The following EPC2 variants were observed in gnomAD, a reference collection of about 807,000 sequenced individuals.
EPC2 encodes the protein enhancer of polycomb 2.
A neutral mutation model predicts 92.1 loss-of-function variants in EPC2; 14 were observed. The ratio of observed to expected loss-of-function variants is 0.15; its 90% CI spans 0.10 to 0.24. The LOEUF (loss-of-function observed/expected upper bound fraction) is 0.24. Among genes scored for constraint, EPC2 ranks in the 10% least tolerant of loss-of-function variants. EPC2 has a pLI of 1.00. For synonymous variants in EPC2, 340 were observed against 334.7 expected (o/e 1.02, Z -0.17); for missense variants, 755 against 971.5 (o/e 0.78, Z 2.96).
chr2:148,690,431 ATCTTT>A (rs1413720402), intron 2 of EPC2, 58 bp downstream of exon 2: 3 of 1,451,004 alleles, frequency 2.1e-6, no homozygotes, highest in African/African-American at 2.9e-5. Flanking sequence ...ACCAGTGGAA[ATCTTT>A]TCTTTTGTCT....
In EPC2 at chr2:148,770,861, A is replaced by T. The variant is rs771076736; in HGVS notation, c.1300A>T (p.Arg434Trp). 2.5e-6 allele frequency: 4 copies of T among 1,613,898 alleles called. No individual in the cohort carries two copies. In the East Asian group the frequency reaches 8.9e-5, roughly 36 times the overall value. Residue 434 changes from arginine to tryptophan, a missense_variant, in exon 9 of 14, where the codon AGG becomes TGG. Physicochemically the swap from Arg to Trp is moderately radical, Grantham distance 101 (BLOSUM62 -3). This residue lies in a region of EPC2 where 509 missense variants were observed against 607.7 expected (regional missense o/e 0.84). Coordinates refer to ENST00000258484, the MANE Select transcript of EPC2 (RefSeq NM_015630.4). Reference protein sequence around the residue: ...ELADLDKLRYRHCLTTLTVPR... With the variant: ...ELADLDKLRYWHCLTTLTVPR... ...GGCAGATTTGGATAAGTTGAGGTAT[A>T]GGCATTGCCTTACAACACTTACAGT...
At chr2:148,760,547 A>G (rs1683283997) in intron 4 of EPC2, among the ~76,000 whole-genome samples, 1 of 152,186 alleles carries the variant, frequency 6.6e-6, no homozygotes, top group African/African-American at 2.4e-5. Flanking sequence ...TGTCGAAAAT[A>G]TTAATTTTTT....
At position 148,764,964 on chromosome 2, in the gene EPC2, C is replaced by G. The variant is rs1683380171; in HGVS notation, c.958C>G (p.His320Asp). 2 of 1,555,926 alleles carry G rather than the reference C, an allele frequency of 1.3e-6. No homozygotes were observed. The highest frequency in any genetic ancestry group is 1.7e-6 in the Non-Finnish European group (2 of 1,153,380). The change falls in exon 7 of 14, where the codon CAT becomes GAT. Residue 320 changes from histidine (H) to aspartate (D), a missense_variant. Physicochemically the swap from His to Asp is moderately conservative, Grantham distance 81. This residue lies in a region of EPC2 where 509 missense variants were observed against 607.7 expected (regional missense o/e 0.84). Coordinates refer to ENST00000258484, the MANE Select transcript of EPC2 (RefSeq NM_015630.4). The stretch of plus-strand genomic sequence containing the variant: ...ATCGTCATGTAAACAGCACCCTCAT[C>G]ATTTGTCTTTGAAAGAAGAGGCTTC... ...VQECKTKHPH[H>D]LSLKEEASDV...
intron 7 of EPC2, among the ~76,000 whole-genome samples, chr2:148,768,252 A>C (rs1558834981): frequency 6.6e-6 from 1 of 152,252 alleles, no homozygotes; most frequent in Non-Finnish European, 1.5e-5. Context: ...ACTGAAACTT[A>C]AGTACCAAAA....
chr2:148,685,421 CTAAA>C (rs1387278516), intron 1 of EPC2, among the ~76,000 whole-genome samples: 1 of 152,126 alleles, frequency 6.6e-6, no homozygotes, highest in Non-Finnish European at 1.5e-5. Context: ...GCGAGTAACA[CTAAA>C]TAAAGCAAGT....
chr2:148,718,568 A>C (rs1222851726), intron 2 of EPC2, among the ~76,000 whole-genome samples: 1 of 152,162 alleles, frequency 6.6e-6, no homozygotes, highest in African/African-American at 2.4e-5. Context: ...ATTGACCCGC[A>C]GTCTCTTCTG....
intron 7 of EPC2, among the ~76,000 whole-genome samples, chr2:148,768,422 A>G (rs1683455942): frequency 1.3e-5 from 2 of 152,210 alleles, no homozygotes; most frequent in Admixed American, 6.5e-5. Context: ...ACTCAATTAC[A>G]TAGGGATATT....
intron 13 of EPC2, 57 bp downstream of exon 13, chr2:148,785,058 GA>G (rs1195007350): frequency 4.3e-6 from 6 of 1,396,932 alleles, no homozygotes; most frequent in Non-Finnish European, 4.7e-6. Context: ...CCTGTGGGAA[GA>G]AAAAGACTTT....
chr2:148,717,668 T>C (rs1477365072), intron 2 of EPC2, among the ~76,000 whole-genome samples: 1 of 152,218 alleles, frequency 6.6e-6, no homozygotes, highest in African/African-American at 2.4e-5. Flanking sequence ...TCCAATTATG[T>C]GATCAATTTT....
chr2:148,703,417 A>T (rs1317729819), intron 2 of EPC2, among the ~76,000 whole-genome samples: 2 of 147,116 alleles, frequency 1.4e-5, no homozygotes, highest in African/African-American at 5.0e-5. Flanking sequence ...GTTTTTAGTT[A>T]TATTGTATCA....
intron 2 of EPC2, among the ~76,000 whole-genome samples, chr2:148,693,993 G>A (rs33999496): frequency 0.18 from 27,163 of 151,762 alleles, 3,509 homozygotes; most frequent in East Asian, 0.48. Flanking sequence ...TTTTTTCTTT[G>A]AATTTCACTG....
At chr2:148,673,452 A>G (rs997193282) in intron 1 of EPC2, among the ~76,000 whole-genome samples, 3 of 152,202 alleles carry the variant, frequency 2.0e-5, no homozygotes, top group Admixed American at 1.3e-4. Flanking sequence ...GCTCTGTTTG[A>G]TAAGTCTGCT....
chr2:148,770,766 G>T (rs773402152), intron 8 of EPC2, 26 bp from the exon 9 acceptor site: 6 of 1,583,472 alleles, frequency 3.8e-6, no homozygotes, highest in Admixed American at 3.9e-5. Context: ...TGAGTTTTTT[G>T]TTTTTTGTTT....
intron 2 of EPC2, among the ~76,000 whole-genome samples, chr2:148,709,965 A>C (rs965377606): frequency 5.3e-5 from 8 of 152,342 alleles, no homozygotes; most frequent in Middle Eastern, 3.4e-3. Context: ...AAACACCAAA[A>C]GCAATGGCAA....
intron 13 of EPC2, among the ~76,000 whole-genome samples, chr2:148,785,262 G>A (rs1051762202): frequency 2.0e-5 from 3 of 152,088 alleles, no homozygotes; most frequent in African/African-American, 7.2e-5. Flanking sequence ...GGAAAAGAAA[G>A]AAAAGGACAT....
Position 148,750,237 on chromosome 2 carries a change from A to G in EPC2, c.460-3690A>G, listed in dbSNP as rs1366754599. Among the ~76,000 whole-genome samples the G allele has an allele frequency of 2.0e-5, 3 of 152,256 alleles. No homozygotes were observed. In the East Asian group the frequency reaches 5.8e-4, roughly 29 times the overall value. ...AAATGAATTGATAAATCCTTCTAAA[A>G]TAGTCATCTCAAGCATGAAGATCAT... On this transcript the variant is annotated intron_variant, in intron 3 of 13. Coordinates refer to ENST00000258484, the MANE Select transcript of EPC2 (RefSeq NM_015630.4).
At position 148,783,728 on chromosome 2, in the gene EPC2, C is replaced by A; in HGVS notation, c.1989C>A (p.Asn663Lys). The change falls in exon 12 of 14, where the codon AAC becomes AAA. Residue 663 changes from asparagine to lysine, a missense_variant. Physicochemically the swap from Asn to Lys is moderately conservative, Grantham distance 94. Coordinates refer to ENST00000258484, the MANE Select transcript of EPC2 (RefSeq NM_015630.4). ...EVAKEQNTGHNNINGVVQPSG... is the reference protein window; with the variant it reads ...EVAKEQNTGHKNINGVVQPSG... Reference sequence around the variant, plus strand: ...CCAAGGAACAGAACACTGGCCACAACAACATAAACGGTGTTGTCCAGCCTT... The same window carrying A: ...CCAAGGAACAGAACACTGGCCACAAAAACATAAACGGTGTTGTCCAGCCTT... 1 of 1,592,134 alleles carries A rather than the reference C, an allele frequency of 6.3e-7. No individual in the cohort carries two copies. Among genetic ancestry groups the A allele is most frequent in the Non-Finnish European group, 8.6e-7 (1 of 1,168,390 alleles).
chr2:148,705,327 C>T (rs897625255), intron 2 of EPC2, among the ~76,000 whole-genome samples: 1 of 152,074 alleles, frequency 6.6e-6, no homozygotes, highest in Non-Finnish European at 1.5e-5. Context: ...TCCCTACTAA[C>T]AGTAGTTGAG....
At position 148,771,251 on chromosome 2, in the gene EPC2, C is replaced by T; in HGVS notation, c.1584C>T (p.Phe528=). The T allele has an allele frequency of 6.2e-7, 1 of 1,613,948 alleles. No homozygotes were observed. The highest frequency in any genetic ancestry group is 8.5e-7 in the Non-Finnish European group (1 of 1,179,872). ...SNIRSCRLQC[F]QPRLLNLQDS... ...TCAGATCATGTCGACTACAGTGTTT[C>T]CAGCCAAGGCTACTAAATTTACAGG... Residue 528 remains phenylalanine, a synonymous_variant, in exon 10 of 14, where the codon TTC becomes TTT. Transcript: ENST00000258484.
Sources: gnomAD v4.1 joint callset for allele counts (sites outside exome capture counted in the v4.1 genomes callset) on GRCh38, gnomAD v4.1.1 for gene constraint, gnomAD v4.1.1 regional missense constraint, MANE v1.5 for transcripts, NCBI Gene and HGNC (gene_info 2026-07-23, HGNC 2026-07-21) for gene names.